The following STK10 variants were observed in gnomAD, a reference collection of about 807,000 sequenced individuals.
The protein encoded by STK10 is serine/threonine kinase 10, also known as serine/threonine-protein kinase 10.
Under a neutral mutation model 113.8 loss-of-function variants are expected in STK10, and 78 were observed. That is an observed-to-expected ratio of 0.69 (90% CI 0.57 to 0.83). STK10 has a LOEUF of 0.83. STK10 is among the 40% of genes least tolerant of loss of function. The probability of loss-of-function intolerance (pLI) is 0.00; values close to 1 mark genes in which losing one functional copy is unlikely to be tolerated. For missense variants in STK10, 1,109 were observed against 1,280.1 expected (o/e 0.87, Z 2.04); for synonymous variants, 465 against 494.7 (o/e 0.94, Z 0.80).
In STK10 at chr5:172,064,785, G is replaced by A. The variant is rs774125608; in HGVS notation, c.2017C>T (p.Arg673Ter). Residue 673 changes from arginine (R) to a stop codon, truncating the protein, a stop_gained, in exon 13 of 19, where the codon CGA (arginine) becomes TGA (stop). Coordinates refer to ENST00000176763, the MANE Select transcript of STK10 (RefSeq NM_005990.4). LOFTEE classifies it high-confidence loss of function. The stretch of plus-strand genomic sequence containing the variant: ...TTCATGCTTTCCTTCCGCTGCTGTC[G>A]GGGGAGCTTCTCCACCTCGTTCTTC... ...EVKNEVEKLP[R>*]QQRKESMKQK... The A allele has an allele frequency of 5.5e-5, 88 of 1,613,708 alleles. No individual in the cohort carries two copies. The highest frequency in any genetic ancestry group is 1.6e-4 in the Middle Eastern group (1 of 6,084).
At chr5:172,048,922 G>A (rs185916538) in intron 18 of STK10, among the ~76,000 whole-genome samples, 1 of 152,040 alleles carries the variant, frequency 6.6e-6, no homozygotes, top group East Asian at 1.9e-4. Flanking sequence ...CGAGCAAGGT[G>A]TCCGGGCCTT....
At chr5:172,176,358 C>T (rs535350524) in intron 1 of STK10, among the ~76,000 whole-genome samples, 1 of 152,286 alleles carries the variant, frequency 6.6e-6, no homozygotes, top group East Asian at 1.9e-4. Context: ...CTCTTTCATG[C>T]CTCCTGTCTC....
chr5:172,073,398 T>G (rs1398980695), intron 12 of STK10, among the ~76,000 whole-genome samples: 1 of 152,060 alleles, frequency 6.6e-6, no homozygotes, highest in African/African-American at 2.4e-5. Context: ...GTGGTCTGCC[T>G]GCCTCAGCCT....
intron 10 of STK10, among the ~76,000 whole-genome samples, chr5:172,086,620 G>A (rs184171850): frequency 6.6e-6 from 1 of 152,288 alleles, no homozygotes; most frequent in East Asian, 1.9e-4. Flanking sequence ...CAGCCACATG[G>A]TTCAGATGCC....
rs1244703571 is a variant in STK10 at position 172,156,757 on chromosome 5, G to A, written c.188C>T (p.Ala63Val). 20 of 1,613,732 alleles carry A rather than the reference G, an allele frequency of 1.2e-5. No individual in the cohort carries two copies. Among genetic ancestry groups the A allele is most frequent in the African/African-American group, 4.0e-5 (3 of 74,914 alleles). Reference protein sequence around the residue: ...AKNKETGALAAAKVIETKSEE... With the variant: ...AKNKETGALAVAKVIETKSEE... ...ACTCTTGGTTTCAATGACTTTGGCC[G>A]CAGCCAAAGCACCCGTCTCCTTATT... is the stretch of plus-strand genomic sequence containing the variant. Residue 63 changes from alanine (A) to valine (V), a missense_variant, in exon 2 of 19, where the codon GCG becomes GTG. Coordinates refer to ENST00000176763, the MANE Select transcript of STK10 (RefSeq NM_005990.4).
rs1767736093 is a variant in STK10 at position 172,055,710 on chromosome 5, C to T, written c.2404G>A (p.Glu802Lys). ...TGGATCTTGGGCAGCCGCGCCTTTTCCTGTTGCTGCCGCACCTTCAGCTGC... is the reference window on the plus strand; with the variant it reads ...TGGATCTTGGGCAGCCGCGCCTTTTTCTGTTGCTGCCGCACCTTCAGCTGC... ...IEQLKVRQQQ[E>K]KARLPKIQRS... The change falls in exon 16 of 19, where the codon GAA becomes AAA. Residue 802 changes from glutamate (E) to lysine (K), a missense_variant. Around this residue, in one of 5 missense-constraint regions of STK10, gnomAD observed 885 missense variants for 991.1 expected, o/e 0.89. Coordinates refer to ENST00000176763, the MANE Select transcript of STK10 (RefSeq NM_005990.4). 6.3e-7 allele frequency: 1 copy of T among 1,582,232 alleles called. No homozygotes were observed. The highest frequency in any genetic ancestry group is 8.6e-7 in the Non-Finnish European group (1 of 1,161,226).
chr5:172,156,735 C>A lies in STK10; in HGVS notation c.210G>T (p.Lys70Asn). Residue 70 changes from lysine (K) to asparagine (N), a missense_variant, in exon 2 of 19, where the codon AAG (lysine) becomes AAT (asparagine). This residue lies in a region of STK10 where 120 missense variants were observed against 134.8 expected (regional missense o/e 0.89). Coordinates refer to ENST00000176763, the MANE Select transcript of STK10 (RefSeq NM_005990.4). ...TGTAGTCCTCCAGCTCCTCCTCACT[C>A]TTGGTTTCAATGACTTTGGCCGCAG... ...ALAAAKVIET[K>N]SEEELEDYIV... is the part of the protein sequence containing the mutation. 6.2e-7 allele frequency: 1 copy of A among 1,614,170 alleles called. No homozygotes were observed. The highest frequency in any genetic ancestry group is 8.5e-7 in the Non-Finnish European group (1 of 1,180,010).
At chr5:172,089,934 TGGGTGGAG>T (rs1296741583) in intron 10 of STK10, among the ~76,000 whole-genome samples, 2 of 151,276 alleles carry the variant, frequency 1.3e-5, no homozygotes, top group Admixed American at 6.6e-5. Flanking sequence ...GATAGGTGGA[TGGGTGGAG>T]GGGTGAGTGG....
At chr5:172,107,931 CA>C in intron 4 of STK10, 79 bp from the exon 5 acceptor site, 1 of 1,239,128 alleles carries the variant, frequency 8.1e-7, no homozygotes, top group East Asian at 2.4e-5. Flanking sequence ...CAGGGGTACA[CA>C]TTCCAAGTCG....
chr5:172,056,278 A>G (rs75984744), intron 15 of STK10, among the ~76,000 whole-genome samples: 1,598 of 152,270 alleles, frequency 0.01, 32 homozygotes, highest in African/African-American at 0.037. Flanking sequence ...CCATCACTGC[A>G]TTTAGATAAG....
intron 7 of STK10, among the ~76,000 whole-genome samples, chr5:172,096,986 A>G (rs1768870259): frequency 6.6e-6 from 1 of 152,254 alleles, no homozygotes; most frequent in South Asian, 2.1e-4. Context: ...AAAATATGCT[A>G]CATACATTTT....
At chr5:172,111,763 CCA>C (rs1371053947) in intron 4 of STK10, among the ~76,000 whole-genome samples, 2 of 152,220 alleles carry the variant, frequency 1.3e-5, no homozygotes, top group East Asian at 3.8e-4. Context: ...TCTGCTGTGG[CCA>C]CAGTTGTATC....
intron 12 of STK10, among the ~76,000 whole-genome samples, chr5:172,072,557 C>G (rs765880198): frequency 1.3e-5 from 2 of 152,190 alleles, no homozygotes; most frequent in African/African-American, 4.8e-5. Context: ...CGTGAGCCAC[C>G]GCGCCTGGCC....
At chr5:172,075,445 G>A (rs1768286410) in intron 12 of STK10, among the ~76,000 whole-genome samples, 1 of 152,296 alleles carries the variant, frequency 6.6e-6, no homozygotes, top group Admixed American at 6.5e-5. Context: ...GGGAGGCCGA[G>A]GTGGGCGGAT....
At chr5:172,177,631 G>C (rs997004007) in intron 1 of STK10, among the ~76,000 whole-genome samples, 8 of 152,214 alleles carry the variant, frequency 5.3e-5, no homozygotes, top group Admixed American at 4.6e-4. Context: ...GCATGAAAAA[G>C]AATACAACAC....
intron 2 of STK10, among the ~76,000 whole-genome samples, chr5:172,137,423 T>C (rs955093373): frequency 6.6e-6 from 1 of 151,902 alleles, no homozygotes; most frequent in African/African-American, 2.4e-5. Flanking sequence ...ATCAATGTAA[T>C]ATACCACATT....
chr5:172,057,389 TA>T lies in STK10; in HGVS notation c.2296del (p.Tyr766ThrfsTer26), dbSNP rs1281442817. 6.4e-7 allele frequency: 1 copy of T among 1,560,690 alleles called. No homozygotes were observed. Among genetic ancestry groups the T allele is most frequent in the Non-Finnish European group, 8.7e-7 (1 of 1,152,480 alleles). On this transcript the variant is annotated frameshift_variant, in exon 15 of 19. Coordinates refer to ENST00000176763, the MANE Select transcript of STK10 (RefSeq NM_005990.4). LOFTEE classifies it high-confidence loss of function. Reference sequence around the variant, plus strand: ...CAGCAGCTCGTGCCGCTGGAGGAAGTACTGGTCTTTGAGCTGCTGCTTCACC... The same window carrying T: ...CAGCAGCTCGTGCCGCTGGAGGAAGTCTGGTCTTTGAGCTGCTGCTTCACC... ...QLVKQQLKDQ[Y>X]FLQRHELLRK... is the part of the protein sequence containing the mutation.
rs969050436 is a variant in STK10, at chr5:172,188,139, G to C, written c.-97C>G. The C allele has an allele frequency of 6.7e-7, 1 of 1,501,232 alleles. No individual in the cohort carries two copies. The highest frequency in any genetic ancestry group is 1.4e-5 in the African/African-American group (1 of 71,792). The allele number at this position is 1,501,232 out of a possible 1,614,324, so 93.0% of individuals were successfully genotyped here. A position where few individuals can be genotyped will look rare whatever the true frequency, so the allele number is the denominator to read the frequency against. ...GAAGGAGGAGGAGTTGGAGGACGCC[G>C]CGTCTCTCGGGGTTCTCCCCAGACC... On this transcript the variant is annotated 5_prime_UTR_variant, in exon 1 of 19. Transcript: ENST00000176763. The surrounding 1 kb of genome is among the most constrained non-coding windows in gnomAD (Gnocchi z 5.6).
intron 10 of STK10, among the ~76,000 whole-genome samples, chr5:172,086,466 C>A (rs1340070045): frequency 2.0e-5 from 3 of 152,220 alleles, no homozygotes; most frequent in African/African-American, 7.2e-5. Flanking sequence ...CTAGCACTCC[C>A]TGGTCCACCT....
Sources: gnomAD v4.1 joint callset for allele counts (sites outside exome capture counted in the v4.1 genomes callset) on GRCh38, gnomAD v4.1.1 for gene constraint, gnomAD v4.1.1 regional missense constraint, Gnocchi (gnomAD v3.1) non-coding constraint, MANE v1.5 for transcripts, NCBI Gene and HGNC (gene_info 2026-07-23, HGNC 2026-07-21) for gene names.